Variants in CDK14 observed in about 807,000 individuals in gnomAD.
CDK14 encodes cyclin dependent kinase 14.
In CDK14, 34 loss-of-function variants were observed where a neutral mutation model predicts 60.7. The ratio of observed to expected loss-of-function variants is 0.56; its 90% confidence interval spans 0.43 to 0.75. CDK14 has a LOEUF of 0.75. CDK14 is among the 30% of genes least tolerant of loss of function. The pLI, the probability that CDK14 is intolerant of heterozygous loss-of-function variation, is 0.00. For missense variants in CDK14, 482 were observed against 564.1 expected (o/e 0.85, Z 1.47); for synonymous variants, 197 against 203.7 (o/e 0.97, Z 0.28).
intron 4 of CDK14, among the ~76,000 whole-genome samples, chr7:90,778,502 C>A (rs1805146516): frequency 6.6e-6 from 1 of 152,214 alleles, no homozygotes; most frequent in Non-Finnish European, 1.5e-5. Flanking sequence ...GAATTCTCCA[C>A]ACCATAGCGA....
chr7:90,700,110 A>T (rs1306812972), intron 2 of CDK14, among the ~76,000 whole-genome samples: 1 of 152,156 alleles, frequency 6.6e-6, no homozygotes, highest in East Asian at 1.9e-4. Flanking sequence ...GTCCAGGGCA[A>T]CTAGGAAAAA....
intron 1 of CDK14, among the ~76,000 whole-genome samples, chr7:90,602,682 T>A (rs1435114520): frequency 1.3e-5 from 2 of 152,196 alleles, no homozygotes; most frequent in Non-Finnish European, 2.9e-5. Flanking sequence ...TTAAGTTAAA[T>A]ACATAATTAA....
At chr7:90,983,514 C>G (rs1442098571) in intron 9 of CDK14, among the ~76,000 whole-genome samples, 7 of 151,914 alleles carry the variant, frequency 4.6e-5, no homozygotes, top group Non-Finnish European at 1.0e-4. Flanking sequence ...CCCGTCTCTA[C>G]TAAAAATACA....
At chr7:90,609,710 C>T (rs1584739238) in intron 2 of CDK14, among the ~76,000 whole-genome samples, 1 of 152,258 alleles carries the variant, frequency 6.6e-6, no homozygotes, top group South Asian at 2.1e-4. Flanking sequence ...TATAAATTAC[C>T]TGGTCTCAGG....
chr7:90,736,790 T>C (rs1271928901), intron 3 of CDK14, among the ~76,000 whole-genome samples: 1 of 152,146 alleles, frequency 6.6e-6, no homozygotes, highest in Admixed American at 6.6e-5. Flanking sequence ...GTAGAAACTA[T>C]TTTAAAATAT....
At chr7:90,914,184 C>T (rs182668575) in intron 7 of CDK14, among the ~76,000 whole-genome samples, 25 of 152,250 alleles carry the variant, frequency 1.6e-4, no homozygotes, top group Middle Eastern at 3.4e-3. Flanking sequence ...ACTTCTGTGT[C>T]TACTGAATGC....
intron 2 of CDK14, among the ~76,000 whole-genome samples, chr7:90,611,572 T>C (rs1799538712): frequency 6.6e-6 from 1 of 152,186 alleles, no homozygotes; most frequent in Admixed American, 6.5e-5. Flanking sequence ...TGCTGTCATA[T>C]CCATTCTCAC....
At chr7:90,663,791 T>C (rs2888808) in intron 2 of CDK14, among the ~76,000 whole-genome samples, 46,423 of 152,100 alleles carry the variant, frequency 0.31, 7,974 homozygotes, top group East Asian at 0.67. Flanking sequence ...TACTGAGTTT[T>C]CAGTGAAAAT....
chr7:90,752,091 G>A (rs1460125084), intron 4 of CDK14, among the ~76,000 whole-genome samples: 3 of 151,970 alleles, frequency 2.0e-5, no homozygotes, highest in South Asian at 2.1e-4. Context: ...CTTCCACAAC[G>A]CACTGACAGC....
chr7:91,079,042 G>C (rs1798406628), intron 11 of CDK14, among the ~76,000 whole-genome samples: 1 of 152,130 alleles, frequency 6.6e-6, no homozygotes, highest in African/African-American at 2.4e-5. Flanking sequence ...TATTTGGTCA[G>C]AGAAATCATC....
In CDK14 at chr7:91,118,215, G is replaced by A. The variant is rs1799669152; in HGVS notation, c.*28+7G>A. 1 of 1,239,354 alleles carries A rather than the reference G, an allele frequency of 8.1e-7. No individual in the cohort carries two copies. Among genetic ancestry groups the A allele is most frequent in the Admixed American group, 1.8e-5 (1 of 55,368 alleles). 76.8% of individuals were successfully genotyped at this position (1,239,354 alleles called of 1,614,324 possible). On this transcript the variant is annotated splice_region_variant and intron_variant, in intron 14 of 14. Transcript: ENST00000380050. ...CATTCTCAAGAGCACACAGGTAAGA[G>A]GACCTGCTTTACCTGGAAAGTAATA...
intron 8 of CDK14, among the ~76,000 whole-genome samples, chr7:90,922,051 C>G (rs546885908): frequency 9.9e-5 from 15 of 152,240 alleles, no homozygotes; most frequent in African/African-American, 3.1e-4. Flanking sequence ...AGTAGTGTGT[C>G]TGTTTGATAA....
chr7:90,861,582 G>T (rs1185399732), intron 5 of CDK14, among the ~76,000 whole-genome samples: 2 of 152,190 alleles, frequency 1.3e-5, no homozygotes, highest in African/African-American at 4.8e-5. Context: ...GCAGCTGTTG[G>T]AAAGCATTGC....
intron 14 of CDK14, among the ~76,000 whole-genome samples, chr7:91,151,380 T>G (rs2115687106): frequency 6.6e-6 from 1 of 152,336 alleles, no homozygotes; most frequent in Non-Finnish European, 1.5e-5. Context: ...TCCAGACAAC[T>G]ATGAATTTAA....
chr7:90,734,743 A>C (rs925412585), intron 3 of CDK14, among the ~76,000 whole-genome samples: 4 of 152,102 alleles, frequency 2.6e-5, no homozygotes, highest in Non-Finnish European at 4.4e-5. Flanking sequence ...GCTTTATTGC[A>C]TTGGGTTAAA....
chr7:90,779,366 C>A (rs1161795514), intron 4 of CDK14, among the ~76,000 whole-genome samples: 2 of 152,172 alleles, frequency 1.3e-5, no homozygotes, highest in African/African-American at 4.8e-5. Flanking sequence ...GGTTCCCCGA[C>A]CTCAGCATCC....
intron 2 of CDK14, among the ~76,000 whole-genome samples, chr7:90,673,290 GCCGTTATAAGGGTA>G (rs1323709266): frequency 6.6e-6 from 1 of 152,210 alleles, no homozygotes; most frequent in East Asian, 1.9e-4. Context: ...TGTGTTAGGT[GCCGTTATAAGGGTA>G]CCAAAGATTG....
At position 90,900,306 on chromosome 7, in the gene CDK14, T is replaced by A. The variant is rs112398049; in HGVS notation, c.702+953T>A. On this transcript the variant is annotated intron_variant, in intron 7 of 14. Transcript: ENST00000380050. ...AATATAGAAATTATAGTCTGTTGAT[T>A]TTTTCATATGTCTTCTTTTTGTGTT... Among the ~76,000 whole-genome samples the A allele has an allele frequency of 6.6e-3, 1,001 of 152,268 alleles. 4 individuals are homozygous for A. Among genetic ancestry groups the A allele is most frequent in the Non-Finnish European group, 0.011 (745 of 68,014 alleles).
intron 3 of CDK14, among the ~76,000 whole-genome samples, chr7:90,746,900 A>T (rs1299262261): frequency 6.6e-6 from 1 of 152,134 alleles, no homozygotes; most frequent in Admixed American, 6.5e-5. Context: ...ACATCTTCTG[A>T]TTATCTGTTT....
Sources: allele counts gnomAD v4.1 joint callset (sites outside exome capture counted in the v4.1 genomes callset), GRCh38; gene constraint gnomAD v4.1.1; transcripts MANE v1.5; gene names NCBI Gene and HGNC (gene_info 2026-07-23, HGNC 2026-07-21).